The following LMNTD2 variants were observed in gnomAD, a reference collection of about 807,000 sequenced individuals.
LMNTD2 encodes lamin tail domain-containing protein 2.
A neutral mutation model predicts 70.1 loss-of-function variants in LMNTD2; 83 were observed. The observed-to-expected ratio is 1.18, with a 90% CI of 0.99 to 1.42. The LOEUF is 1.42. Among genes scored for constraint, LMNTD2 ranks in the 40% most tolerant of loss-of-function variants. LMNTD2 has a pLI of 0.00. For synonymous variants in LMNTD2, 534 were observed against 406.1 expected (o/e 1.31, Z -3.79); for missense variants, 1,153 against 905.9 (o/e 1.27, Z -3.50).
chr11:558,132 C>T (rs374395873), intron 4 of LMNTD2, 29 bp downstream of exon 4: 19 of 1,611,538 alleles, frequency 1.2e-5, no homozygotes, highest in Middle Eastern at 1.6e-4. Context: ...ACACCAGGAC[C>T]CTGCCCACTC....
rs1250045864 is a variant in LMNTD2, at chr11:557,094, C to T, written c.717G>A (p.Gln239=). The change falls in exon 8 of 14, where the codon CAG becomes CAA. Residue 239 remains glutamine, a synonymous_variant. Transcript: ENST00000329451. ...TNMEPSSKQK[Q]PRPWPQLDTG... is the part of the protein sequence containing the mutation. ...TGTCCAGCTGTGGCCAGGGCCGGGG[C>T]TGCCTGTGGACCACGCTCTGCTTGA... 9 of 1,591,720 alleles carry T rather than the reference C, an allele frequency of 5.7e-6. No homozygotes were observed. The highest frequency in any genetic ancestry group is 7.7e-6 in the Non-Finnish European group (9 of 1,168,628).
At chr11:555,209 G>GCGGGGAGGAGAGCGGAGGGA in intron 13 of LMNTD2, 96 bp downstream of exon 13, 2 of 576,908 alleles carry the variant, frequency 3.5e-6, no homozygotes, top group East Asian at 4.0e-5. Flanking sequence ...GAGCGGAGGG[G>GCGGGGAGGAGAGCGGAGGGA]AGGGGACGAG....
Position 558,169 on chromosome 11 carries a change from C to T in LMNTD2, c.391G>A (p.Ala131Thr). 1 of 1,613,484 alleles carries T rather than the reference C, an allele frequency of 6.2e-7. No homozygotes were observed. The highest frequency in any genetic ancestry group is 2.2e-5 in the East Asian group (1 of 44,886). Residue 131 changes from alanine to threonine, a missense_variant, in exon 4 of 14, where the codon GCC becomes ACC. Transcript: ENST00000329451. ...CTGTGCCCCTGCCTCACCCACTGGGCTCGCTCCTTCTGTTCCTTCAACTCC... is the reference window on the plus strand; with the variant it reads ...CTGTGCCCCTGCCTCACCCACTGGGTTCGCTCCTTCTGTTCCTTCAACTCC... Reference protein sequence around the residue: ...IQELKEQKERAQWEKEHLEER... With the variant: ...IQELKEQKERTQWEKEHLEER...
intron 7 of LMNTD2, 39 bp downstream of exon 7, chr11:557,360 C>G: frequency 6.4e-7 from 1 of 1,558,326 alleles, no homozygotes; most frequent in Middle Eastern, 1.7e-4. Context: ...GTGAGCCCTC[C>G]CTTCTGGCCC....
In LMNTD2 at chr11:560,733, G is replaced by A. The variant is rs749327953; in HGVS notation, c.-17C>T. The A allele has an allele frequency of 3.6e-5, 51 of 1,423,744 alleles. No individual in the cohort carries two copies. In the Admixed American group the frequency reaches 1.2e-3, roughly 34 times the overall value. 88.2% of individuals were successfully genotyped at this position (1,423,744 alleles called of 1,614,324 possible). Reference sequence around the variant, plus strand: ...CCACCGCATTTCCGCGTTTTTCGCGGTAGGCGGGAGGTGGGGGCGGGGACT... The same window carrying A: ...CCACCGCATTTCCGCGTTTTTCGCGATAGGCGGGAGGTGGGGGCGGGGACT... On this transcript the variant is annotated 5_prime_UTR_variant, in exon 1 of 14. Coordinates refer to ENST00000329451, the MANE Select transcript of LMNTD2 (RefSeq NM_173573.3).
Position 560,697 on chromosome 11 carries a change from G to T in LMNTD2, c.20C>A (p.Ala7Glu). 1 of 1,441,924 alleles carries T rather than the reference G, an allele frequency of 6.9e-7. No individual in the cohort carries two copies. The allele number at this position is 1,441,924 out of a possible 1,614,324, so 89.3% of individuals were successfully genotyped here. Residue 7 changes from alanine to glutamate, a missense_variant, in exon 1 of 14, where the codon GCG becomes GAG. By Grantham distance (107) the Ala-to-Glu change is moderately radical. Transcript: ENST00000329451. Reference protein sequence around the residue: MRWLRPAGRRREQESVS... With the variant: MRWLRPEGRRREQESVS... Reference sequence around the variant, plus strand: ...CAGACACCTACCCCGACGCCTGCCCGCGGGCCGCAGCCACCGCATTTCCGC... The same window carrying T: ...CAGACACCTACCCCGACGCCTGCCCTCGGGCCGCAGCCACCGCATTTCCGC...
At chr11:556,141 A>AGGGGCGGCC in intron 10 of LMNTD2, 26 bp from the exon 11 acceptor site, 1 of 1,321,578 alleles carries the variant, frequency 7.6e-7, no homozygotes. Flanking sequence ...GCGGCGGGTG[A>AGGGGCGGCC]GGGGCGGCCG....
chr11:557,890 A>T lies in LMNTD2; in HGVS notation c.549T>A (p.Ser183Arg), dbSNP rs1442051772. The change falls in exon 5 of 14, where the codon AGT becomes AGA. Residue 183 changes from serine to arginine, a missense_variant. Physicochemically the swap from Ser to Arg is moderately radical, Grantham distance 110. Transcript: ENST00000329451. ...GCTTGGGGGACAGGCTCACCTCCAC[A>T]CTGCCAGTCTGGGATCGTAGCATGC... ...VGRMLRSQTG[S>R]VEVVTAETLM... 1 of 1,567,386 alleles carries T rather than the reference A, an allele frequency of 6.4e-7. No individual in the cohort carries two copies. Among genetic ancestry groups the T allele is most frequent in the East Asian group, 2.3e-5 (1 of 43,518 alleles).
chr11:559,518 C>T, intron 1 of LMNTD2: 1 of 1,267,428 alleles, frequency 7.9e-7, no homozygotes, highest in South Asian at 1.3e-5. Flanking sequence ...GTGTGAGAGG[C>T]TGAGCCACTG....
chr11:559,759 A>G (rs1853159931), intron 1 of LMNTD2: 1 of 1,048,844 alleles, frequency 9.5e-7, no homozygotes, highest in Non-Finnish European at 1.2e-6. Flanking sequence ...CTGTTTTTAA[A>G]TTAATAATTA....
Position 558,905 on chromosome 11 carries a change from G to GCAGGC in LMNTD2, c.104_108dup (p.Pro37AlafsTer86). On this transcript the variant is annotated frameshift_variant, in exon 2 of 14. Transcript: ENST00000329451. LOFTEE classifies it high-confidence loss of function. ...GGTGCGGGGTGGGGCGTGGTGTCTG[G>GCAGGC]CAGGCACGTGGGAGTCTCGGGGGCT... 1 of 1,611,014 alleles carries GCAGGC rather than the reference G, an allele frequency of 6.2e-7. No individual in the cohort carries two copies. The highest frequency in any genetic ancestry group is 8.5e-7 in the Non-Finnish European group (1 of 1,179,536).
chr11:555,791 G>T lies in LMNTD2; in HGVS notation c.1517C>A (p.Pro506His). 1 of 1,516,706 alleles carries T rather than the reference G, an allele frequency of 6.6e-7. No individual in the cohort carries two copies. Among genetic ancestry groups the T allele is most frequent in the Non-Finnish European group, 8.7e-7 (1 of 1,144,682 alleles). 94.0% of individuals were successfully genotyped at this position (1,516,706 alleles called of 1,614,324 possible). A position where few individuals can be genotyped will look rare whatever the true frequency, so the allele number is the denominator to read the frequency against. The change falls in exon 12 of 14, where the codon CCT becomes CAT. Residue 506 changes from proline (P) to histidine (H), a missense_variant. Physicochemically the swap from Pro to His is moderately conservative, Grantham distance 77 (BLOSUM62 -2). Coordinates refer to ENST00000329451, the MANE Select transcript of LMNTD2 (RefSeq NM_173573.3). ...CACCCGGCCTTTGCGCAGGGGTCGA[G>T]GTGGGCGCGGCGGCTTGCGGGTGTC... ...GADTRKPPRP[P>H]RPLRKGRVRE...
At chr11:557,215 G>T in intron 7 of LMNTD2, 118 bp from the exon 8 acceptor site, 1 of 1,435,206 alleles carries the variant, frequency 7.0e-7, no homozygotes, top group Non-Finnish European at 9.3e-7. Context: ...CCCAGGCTCA[G>T]TTCATGGCAG....
rs562419222 is a variant in LMNTD2, at chr11:555,037, G to T, written c.1848C>A (p.Phe616Leu). 46 of 1,593,844 alleles carry T rather than the reference G, an allele frequency of 2.9e-5. No homozygotes were observed. The South Asian group carries it at 4.7e-4, about 16-fold the overall frequency. ...GCAGGCAGCTGAGGAAGCGGAAGCC[G>T]AATCTGCTCTCCGCCGTGTTCTGCA... is the stretch of plus-strand genomic sequence containing the variant. ...LSVQNTAESR[F>L]GFRFLSCLPV... Residue 616 changes from phenylalanine (F) to leucine (L), a missense_variant, in exon 14 of 14, where the codon TTC becomes TTA. Phe to Leu is a conservative substitution (Grantham distance 22, BLOSUM62 0). Transcript: ENST00000329451.
In LMNTD2 at chr11:554,971, C is replaced by G; in HGVS notation, c.*9G>C. On this transcript the variant is annotated 3_prime_UTR_variant, in exon 14 of 14. Coordinates refer to ENST00000329451, the MANE Select transcript of LMNTD2 (RefSeq NM_173573.3). Reference sequence around the variant, plus strand: ...CCTCCCTCGCGGTCCCGGCCCCACTCCTCCGCCCCTAGGCGCCGCGGCAGG... The same window carrying G: ...CCTCCCTCGCGGTCCCGGCCCCACTGCTCCGCCCCTAGGCGCCGCGGCAGG... 6.4e-7 allele frequency: 1 copy of G among 1,560,572 alleles called. No individual in the cohort carries two copies. Among genetic ancestry groups the G allele is most frequent in the Non-Finnish European group, 8.6e-7 (1 of 1,157,146 alleles).
Position 556,829 on chromosome 11 carries a change from C to T in LMNTD2, c.976+6G>A. On this transcript the variant is annotated splice_donor_region_variant and intron_variant, in intron 8 of 13. Transcript: ENST00000329451. The stretch of plus-strand genomic sequence containing the variant: ...GGGTAACCAGGGGAGACCCGCCCCA[C>T]TGCACCTTCTGAGTCCCTGCTGTAG... 1 of 1,561,934 alleles carries T rather than the reference C, an allele frequency of 6.4e-7. No homozygotes were observed. Among genetic ancestry groups the T allele is most frequent in the Non-Finnish European group, 8.7e-7 (1 of 1,151,166 alleles).
chr11:555,297 G>T lies in LMNTD2; in HGVS notation c.1773+8C>A. 7.1e-7 allele frequency: 1 copy of T among 1,401,778 alleles called. No individual in the cohort carries two copies. Among genetic ancestry groups the T allele is most frequent in the Non-Finnish European group, 9.3e-7 (1 of 1,079,820 alleles). The allele number at this position is 1,401,778 out of a possible 1,614,324, so 86.8% of individuals were successfully genotyped here. On this transcript the variant is annotated splice_region_variant and intron_variant, in intron 13 of 13. Transcript: ENST00000329451. ...GAGGAGGGGGCGCACCCGCAAGCGC[G>T]CACTCACCCGAACTCGGTGTTCTTT...
Position 556,835 on chromosome 11 carries a change from C to T in LMNTD2, c.976G>A (p.Asp326Asn), listed in dbSNP as rs778729320. The change falls in exon 8 of 14, where the codon GAT (aspartate) becomes AAT (asparagine). Residue 326 changes from aspartate (D) to asparagine (N), a missense_variant and splice_region_variant. Physicochemically the swap from Asp to Asn is conservative, Grantham distance 23. Coordinates refer to ENST00000329451, the MANE Select transcript of LMNTD2 (RefSeq NM_173573.3). ...QAGSYSRDSE[D>N]LQKTHSPRHG... Reference sequence around the variant, plus strand: ...CCAGGGGAGACCCGCCCCACTGCACCTTCTGAGTCCCTGCTGTAGCTGCCG... The same window carrying T: ...CCAGGGGAGACCCGCCCCACTGCACTTTCTGAGTCCCTGCTGTAGCTGCCG... 3.2e-6 allele frequency: 5 copies of T among 1,568,548 alleles called. No homozygotes were observed. The highest frequency in any genetic ancestry group is 3.5e-6 in the Non-Finnish European group (4 of 1,154,694).
chr11:558,392 C>G (rs1853039745), intron 3 of LMNTD2, 144 bp from the exon 4 acceptor site: 2 of 1,102,936 alleles, frequency 1.8e-6, no homozygotes, highest in Non-Finnish European at 2.5e-6. Context: ...CTGGGGCTGG[C>G]CAGCCTCCGG....
Sources: allele counts gnomAD v4.1 joint callset, GRCh38; gene constraint gnomAD v4.1.1; transcripts MANE v1.5; gene names NCBI Gene and HGNC (gene_info 2026-07-23, HGNC 2026-07-21).